Variants in INSC observed in about 807,000 individuals in gnomAD.
INSC encodes the protein INSC spindle orientation adaptor protein, also known as protein inscuteable homolog.
In INSC, 67 loss-of-function variants were observed where a neutral mutation model predicts 58.6. The ratio of observed to expected loss-of-function variants is 1.14; its 90% CI spans 0.94 to 1.40. The LOEUF is 1.40. INSC is among the 40% of genes most tolerant of loss of function. INSC has a pLI of 0.00. For missense variants in INSC, 714 were observed against 692.0 expected, an observed-to-expected ratio of 1.03 and a Z score of -0.36; for synonymous variants, 262 against 276.1, an observed-to-expected ratio of 0.95 and a Z score of 0.51.
At chr11:15,221,716 C>T in intron 8 of INSC, 68 bp downstream of exon 8, 2 of 1,450,192 alleles carry the variant, frequency 1.4e-6, no homozygotes, top group Non-Finnish European at 1.9e-6. Context: ...CAGAAATAGC[C>T]AGGAAGGCCT....
chr11:15,233,875 C>T (rs1852021218), intron 9 of INSC, among the ~76,000 whole-genome samples: 1 of 152,090 alleles, frequency 6.6e-6, no homozygotes, highest in African/African-American at 2.4e-5. Context: ...CCAGAGATAG[C>T]CAAACAAACT....
upstream of INSC, chr11:15,112,560 T>C (rs369612320): frequency 6.6e-7 from 1 of 1,522,688 alleles, no homozygotes; most frequent in African/African-American, 1.5e-5. Context: ...GAGGCTGTGC[T>C]GTGCCGTATG....
chr11:15,159,238 G>A (rs1478132137), intron 2 of INSC, among the ~76,000 whole-genome samples: 1 of 152,168 alleles, frequency 6.6e-6, no homozygotes, highest in Non-Finnish European at 1.5e-5. Flanking sequence ...AGTGATGGCT[G>A]GAGGCTGATG....
intron 10 of INSC, among the ~76,000 whole-genome samples, chr11:15,237,217 C>T (rs117175453): frequency 6.6e-6 from 1 of 152,242 alleles, no homozygotes; most frequent in East Asian, 1.9e-4. Context: ...ACAGAGAGCA[C>T]AACTTAACAA....
chr11:15,202,257 A>G (rs1850622670), intron 7 of INSC, among the ~76,000 whole-genome samples: 1 of 152,174 alleles, frequency 6.6e-6, no homozygotes, highest in South Asian at 2.1e-4. Flanking sequence ...TGAGAAATCC[A>G]TGCTTACTCC....
intron 1 of INSC, among the ~76,000 whole-genome samples, chr11:15,126,665 G>A (rs1217175148): frequency 1.3e-5 from 2 of 152,188 alleles, no homozygotes; most frequent in African/African-American, 4.8e-5. Context: ...CATGCTGGAG[G>A]AATTTCTATG....
Position 15,240,436 on chromosome 11 carries a change from G to A in INSC, c.1394-11G>A, listed in dbSNP as rs1255641486. Reference sequence around the variant, plus strand: ...GTCCTGGGCCTGAGGCTCTCCCTGTGTCTCCTACAGGCATGTCCCGTCTCA... The same window carrying A: ...GTCCTGGGCCTGAGGCTCTCCCTGTATCTCCTACAGGCATGTCCCGTCTCA... On this transcript the variant is annotated splice_polypyrimidine_tract_variant and intron_variant, in intron 11 of 12. Coordinates refer to ENST00000379556, the MANE Select transcript of INSC (RefSeq NM_001042536.3). 5 of 1,612,820 alleles carry A rather than the reference G, an allele frequency of 3.1e-6. No individual in the cohort carries two copies. In the South Asian group the frequency reaches 4.4e-5, roughly 14 times the overall value.
chr11:15,111,598 A>T (rs536046930), upstream of INSC, among the ~76,000 whole-genome samples: 1 of 152,074 alleles, frequency 6.6e-6, no homozygotes, highest in Non-Finnish European at 1.5e-5. Context: ...GAGCATGTGC[A>T]TGTGTCTTTA....
At chr11:15,161,817 AC>A (rs1398793886) in intron 2 of INSC, among the ~76,000 whole-genome samples, 1 of 152,214 alleles carries the variant, frequency 6.6e-6, no homozygotes, top group East Asian at 1.9e-4. Context: ...AGAAATGAAG[AC>A]ATCGAAAAAT....
At position 15,144,803 on chromosome 11, in the gene INSC, G is replaced by T. The variant is rs554292178; in HGVS notation, c.-45-4327G>T. 2.6e-4 allele frequency among the ~76,000 whole-genome samples: 39 copies of T among 152,316 alleles called. 1 individual carries two copies. The South Asian group carries it at 7.7e-3, about 30-fold the overall frequency. On this transcript the variant is annotated intron_variant, in intron 1 of 12. Coordinates refer to ENST00000379556, the MANE Select transcript of INSC (RefSeq NM_001042536.3). Reference sequence around the variant, plus strand: ...GTTAGCCAAATGGAGGTGAGCAAAGGCTGCTTCTAATGGGATGTGGGCGCA... The same window carrying T: ...GTTAGCCAAATGGAGGTGAGCAAAGTCTGCTTCTAATGGGATGTGGGCGCA...
At chr11:15,269,567 G>A in the INSC span, among the ~76,000 whole-genome samples, 4 of 151,484 alleles carry the variant, frequency 2.6e-5, no homozygotes, top group Admixed American at 6.6e-5. Context: ...AGACTTACAT[G>A]GAAATTTCTT....
At chr11:15,130,836 T>G (rs563770269) in intron 1 of INSC, among the ~76,000 whole-genome samples, 19 of 152,280 alleles carry the variant, frequency 1.2e-4, no homozygotes, top group African/African-American at 4.6e-4. Context: ...CATTGCATAA[T>G]ATTCTCTTAT....
At chr11:15,253,414 C>T in the INSC span, among the ~76,000 whole-genome samples, 1 of 152,126 alleles carries the variant, frequency 6.6e-6, no homozygotes, top group African/African-American at 2.4e-5. Context: ...GACTTGCCCT[C>T]GGACGACCCA....
chr11:15,175,709 A>G, intron 2 of INSC, 32 bp from the exon 3 acceptor site: 1 of 1,489,142 alleles, frequency 6.7e-7, no homozygotes, highest in Non-Finnish European at 9.1e-7. Flanking sequence ...TGGGGTGTTG[A>G]TAATTATCGT....
In INSC at chr11:15,175,806, G is replaced by T; in HGVS notation, c.122G>T (p.Cys41Phe). ...WMEDLKLMTE[C>F]ECMCVLQAKP... The stretch of plus-strand genomic sequence containing the variant: ...GAAGATCTGAAGCTCATGACCGAGT[G>T]CGAGTGCATGTGTGTCCTGCAGGCC... The change falls in exon 3 of 13, where the codon TGC (cysteine) becomes TTC (phenylalanine). Residue 41 changes from cysteine (C) to phenylalanine (F), a missense_variant. Cys to Phe is a radical substitution (Grantham distance 205). Transcript: ENST00000379556. The T allele has an allele frequency of 6.2e-7, 1 of 1,605,828 alleles. No homozygotes were observed.
At chr11:15,112,457 C>T, upstream of INSC, 5 of 1,593,220 alleles carry the variant, frequency 3.1e-6, no homozygotes, top group South Asian at 5.7e-5. Context: ...TCGCTGCAGC[C>T]AAGGCTGGAG....
At chr11:15,242,277 A>G (rs191070232) in intron 12 of INSC, among the ~76,000 whole-genome samples, 195 of 152,308 alleles carry the variant, frequency 1.3e-3, no homozygotes, top group South Asian at 5.6e-3. Context: ...TATCATTTTT[A>G]TTAGTGTGAA....
At chr11:15,204,782 C>A (rs1347193334) in intron 7 of INSC, among the ~76,000 whole-genome samples, 1 of 152,210 alleles carries the variant, frequency 6.6e-6, no homozygotes, top group Non-Finnish European at 1.5e-5. Flanking sequence ...ACTGGCCTGG[C>A]CTTCTCACTG....
chr11:15,198,259 GC>G, intron 6 of INSC, among the ~76,000 whole-genome samples: 4 of 152,232 alleles, frequency 2.6e-5, no homozygotes, highest in Admixed American at 2.6e-4. Flanking sequence ...AGCTATTGTA[GC>G]CCATTTTTAG....
Sources: allele counts gnomAD v4.1 joint callset (sites outside exome capture counted in the v4.1 genomes callset), GRCh38; gene constraint gnomAD v4.1.1; transcripts MANE v1.5; gene names NCBI Gene and HGNC (gene_info 2026-07-23, HGNC 2026-07-21).